The following FAM13C variants were observed in gnomAD, a reference collection of about 807,000 sequenced individuals.
FAM13C encodes family with sequence similarity 13 member C.
FAM13C carries 37 observed loss-of-function variants against 73.2 expected under a neutral mutation model. The ratio of observed to expected loss-of-function variants is 0.51; its 90% CI spans 0.39 to 0.67. FAM13C has a LOEUF of 0.67. FAM13C is among the 30% of genes least tolerant of loss of function. The probability of loss-of-function intolerance (pLI) is 0.00; values close to 1 mark genes in which losing one functional copy is unlikely to be tolerated. For synonymous variants in FAM13C, 246 were observed against 260.9 expected (o/e 0.94, Z 0.55); for missense variants, 589 against 715.6 (o/e 0.82, Z 2.02).
At chr10:59,287,539 C>A (rs1467714548) in intron 5 of FAM13C, among the ~76,000 whole-genome samples, 1 of 151,732 alleles carries the variant, frequency 6.6e-6, no homozygotes, top group Non-Finnish European at 1.5e-5. Flanking sequence ...GTATATTCTG[C>A]AAAGCAGAAG....
intron 8 of FAM13C, 135 bp downstream of exon 8, chr10:59,268,418 A>G (rs1589397419): frequency 9.5e-7 from 1 of 1,050,266 alleles, no homozygotes; most frequent in Non-Finnish European, 1.4e-6. Flanking sequence ...AGACTCTATG[A>G]TAGGTCCAGG....
chr10:59,249,408 G>GAAA (rs71006241), intron 13 of FAM13C, among the ~76,000 whole-genome samples: 1,809 of 98,856 alleles, frequency 0.018, 9 homozygotes, highest in East Asian at 0.023. Flanking sequence ...CGTCTCAAAA[G>GAAA]AAAAAAAAAA....
At chr10:59,295,621 C>G (rs1846822883) in intron 5 of FAM13C, among the ~76,000 whole-genome samples, 1 of 152,174 alleles carries the variant, frequency 6.6e-6, no homozygotes, top group African/African-American at 2.4e-5. Flanking sequence ...GCAGAAAACC[C>G]AGTTGAGTCC....
intron 3 of FAM13C, among the ~76,000 whole-genome samples, chr10:59,344,452 T>TTA (rs1288535796): frequency 8.0e-5 from 12 of 150,062 alleles, no homozygotes; most frequent in African/African-American, 2.9e-4. Context: ...CTGATTTTTT[T>TTA]TTTTTATTTT....
intron 1 of FAM13C, among the ~76,000 whole-genome samples, chr10:59,362,195 C>T (rs986745417): frequency 6.6e-6 from 1 of 152,162 alleles, no homozygotes; most frequent in Non-Finnish European, 1.5e-5. Flanking sequence ...AATTTCTCTC[C>T]CGCAGCTGCT....
At chr10:59,337,457 C>T (rs1852864929) in intron 3 of FAM13C, among the ~76,000 whole-genome samples, 1 of 152,178 alleles carries the variant, frequency 6.6e-6, no homozygotes, top group Admixed American at 6.5e-5. Flanking sequence ...GGCTTTACAA[C>T]TGTGTGTGGT....
chr10:59,262,449 G>C lies in FAM13C; in HGVS notation c.1221C>G (p.Pro407=). 6.2e-7 allele frequency: 1 copy of C among 1,613,206 alleles called. No homozygotes were observed. The highest frequency in any genetic ancestry group is 1.1e-5 in the South Asian group (1 of 91,074). Residue 407 remains proline (P), a synonymous_variant, in exon 10 of 14, where the codon CCC becomes CCG. Coordinates refer to ENST00000618804, the MANE Select transcript of FAM13C (RefSeq NM_198215.4). The part of the protein sequence containing the change: ...CLKERREQLP[P]QEDSKVTKQD... ...GGTGATGTACCTTAGAATCCTCCTG[G>C]GGAGGAAGTTGCTCTCTTCTCTCCT...
rs141266326 is a variant in FAM13C at position 59,303,897 on chromosome 10, C to A, written c.444-1033G>T. ...AGGCGCGGTGGCTCATGCCTGTAAT[C>A]CCAGCACTTTGGGAGGCTGAGGCAT... On this transcript the variant is annotated intron_variant, in intron 4 of 13. Coordinates refer to ENST00000618804, the MANE Select transcript of FAM13C (RefSeq NM_198215.4). Among the ~76,000 whole-genome samples, 105 of 152,252 alleles carry A rather than the reference C, an allele frequency of 6.9e-4. 4 individuals are homozygous for A. In the East Asian group the frequency reaches 0.019, roughly 28 times the overall value.
intron 6 of FAM13C, 80 bp from the exon 7 acceptor site, chr10:59,270,189 A>T (rs1296100166): frequency 1.4e-6 from 2 of 1,381,326 alleles, no homozygotes; most frequent in Admixed American, 4.2e-5. Flanking sequence ...AAAGATCATA[A>T]GCATTCATTA....
At chr10:59,360,789 CT>C (rs1488497186) in intron 1 of FAM13C, among the ~76,000 whole-genome samples, 1 of 148,182 alleles carries the variant, frequency 6.7e-6, no homozygotes, top group Non-Finnish European at 1.5e-5. Flanking sequence ...ATCAGAACTC[CT>C]TGGGGAGTGT....
chr10:59,311,963 AC>A (rs1393367639), intron 4 of FAM13C, among the ~76,000 whole-genome samples: 1 of 152,110 alleles, frequency 6.6e-6, no homozygotes, highest in Non-Finnish European at 1.5e-5. Context: ...TTCAAGAGGA[AC>A]CTCAAGTAAG....
chr10:59,360,531 A>C (rs1481103498), intron 1 of FAM13C, among the ~76,000 whole-genome samples: 1 of 152,144 alleles, frequency 6.6e-6, no homozygotes, highest in East Asian at 1.9e-4. Flanking sequence ...CCTGAGGGCT[A>C]TGGGGTCATG....
intron 3 of FAM13C, among the ~76,000 whole-genome samples, chr10:59,336,453 T>A (rs192209758): frequency 1.3e-5 from 2 of 152,308 alleles, no homozygotes; most frequent in Non-Finnish European, 1.5e-5. Flanking sequence ...TGACCACTGC[T>A]CACGGCTCAG....
intron 3 of FAM13C, among the ~76,000 whole-genome samples, chr10:59,350,717 G>A (rs562877537): frequency 6.6e-6 from 1 of 152,138 alleles, no homozygotes; most frequent in South Asian, 2.1e-4. Flanking sequence ...AAGGAAGAAG[G>A]AAGATAAAAA....
chr10:59,339,398 C>T (rs930526511), intron 3 of FAM13C, among the ~76,000 whole-genome samples: 12 of 80,140 alleles, frequency 1.5e-4, no homozygotes, highest in African/African-American at 4.3e-4. Context: ...GTTCAGTCTC[C>T]TCAGCTGTTA....
At chr10:59,346,579 C>G (rs879492881) in intron 3 of FAM13C, among the ~76,000 whole-genome samples, 1 of 152,100 alleles carries the variant, frequency 6.6e-6, no homozygotes, top group Non-Finnish European at 1.5e-5. Flanking sequence ...AAATAGCCAC[C>G]AGAGGGGAGG....
chr10:59,319,351 C>G (rs767539375), intron 4 of FAM13C, among the ~76,000 whole-genome samples: 2 of 152,182 alleles, frequency 1.3e-5, no homozygotes, highest in African/African-American at 2.4e-5. Flanking sequence ...ACAATGTAAC[C>G]ACCAACCTAA....
At chr10:59,250,265 A>G (rs911338959) in intron 13 of FAM13C, among the ~76,000 whole-genome samples, 3 of 152,226 alleles carry the variant, frequency 2.0e-5, no homozygotes, top group African/African-American at 4.8e-5. Context: ...TACTCCAAGG[A>G]ATATTTTACA....
chr10:59,272,773 ACT>A (rs1843860974), intron 6 of FAM13C, among the ~76,000 whole-genome samples: 1 of 151,986 alleles, frequency 6.6e-6, no homozygotes, highest in South Asian at 2.1e-4. Context: ...AAAAGGAGAC[ACT>A]CTCTACAACA....
Sources: allele counts gnomAD v4.1 joint callset (sites outside exome capture counted in the v4.1 genomes callset), GRCh38; gene constraint gnomAD v4.1.1; transcripts MANE v1.5; gene names NCBI Gene and HGNC (gene_info 2026-07-23, HGNC 2026-07-21).